PAM: variants seen among roughly 807,000 people sequenced by gnomAD.
The protein encoded by PAM is peptidyl-glycine alpha-amidating monooxygenase.
Under a neutral mutation model 122.1 loss-of-function variants are expected in PAM, and 72 were observed. That is an observed-to-expected ratio of 0.59 (90% CI 0.49 to 0.72). The LOEUF is 0.72. Among genes scored for constraint, PAM ranks in the 30% least tolerant of loss-of-function variants. The probability of loss-of-function intolerance (pLI) is 0.00; values close to 1 mark genes in which losing one functional copy is unlikely to be tolerated. For synonymous variants in PAM, 389 were observed against 404.4 expected (o/e 0.96, Z 0.46); for missense variants, 1,106 against 1,183.7 (o/e 0.93, Z 0.96).
intron 16 of PAM, among the ~76,000 whole-genome samples, chr5:103,002,019 C>G (rs1057487578): frequency 1.3e-5 from 2 of 151,920 alleles, no homozygotes; most frequent in African/African-American, 4.8e-5. Flanking sequence ...CACACACATA[C>G]ACACCCACAC....
chr5:102,977,658 G>GCACACAAACACACACA, intron 15 of PAM, among the ~76,000 whole-genome samples: 1 of 143,048 alleles, frequency 7.0e-6, no homozygotes, highest in East Asian at 2.1e-4. Flanking sequence ...ATGCATGTGC[G>GCACACAAACACACACA]CACACACACA....
intron 3 of PAM, among the ~76,000 whole-genome samples, chr5:102,894,993 CA>C (rs35700067): frequency 0.12 from 16,610 of 142,260 alleles, 1,448 homozygotes; most frequent in African/African-American, 0.24. Context: ...CATTTTCCTA[CA>C]AAAAAAAAAA....
intron 12 of PAM, among the ~76,000 whole-genome samples, chr5:102,951,519 T>C (rs1162608378): frequency 6.6e-6 from 1 of 152,108 alleles, no homozygotes; most frequent in East Asian, 1.9e-4. Context: ...ACTGATGCCA[T>C]CTGGAAGCTA....
At chr5:102,923,430 A>G (rs1474033045) in intron 5 of PAM, among the ~76,000 whole-genome samples, 5 of 152,188 alleles carry the variant, frequency 3.3e-5, no homozygotes, top group African/African-American at 1.2e-4. Context: ...CCTCCGTCCC[A>G]AGAAGCTGTA....
At chr5:102,940,839 A>G (rs1279171273) in intron 7 of PAM, among the ~76,000 whole-genome samples, 1 of 152,106 alleles carries the variant, frequency 6.6e-6, no homozygotes, top group South Asian at 2.1e-4. Context: ...TGCTGGTTAC[A>G]TGGGTGTTAG....
chr5:102,802,982 G>C (rs376579732), intron 1 of PAM, among the ~76,000 whole-genome samples: 1 of 152,052 alleles, frequency 6.6e-6, no homozygotes, highest in African/African-American at 2.4e-5. Flanking sequence ...AAATTGCCAG[G>C]TGTGGTGGTG....
chr5:102,836,696 C>A (rs1223338376), intron 1 of PAM, among the ~76,000 whole-genome samples: 1 of 152,004 alleles, frequency 6.6e-6, no homozygotes, highest in African/African-American at 2.4e-5. Flanking sequence ...TTAAATTATC[C>A]ATTCAACAGT....
At chr5:102,901,096 TAGAG>T (rs1187281788) in intron 3 of PAM, among the ~76,000 whole-genome samples, 4 of 151,644 alleles carry the variant, frequency 2.6e-5, no homozygotes, top group African/African-American at 2.4e-5. Context: ...CCTTTTAACT[TAGAG>T]AGTATTAGAA....
chr5:103,009,816 A>G lies in PAM; in HGVS notation c.2281A>G (p.Met761Val). Residue 761 changes from methionine (M) to valine (V), a missense_variant, in exon 21 of 26, where the codon ATG becomes GTG. Physicochemically the swap from Met to Val is conservative, Grantham distance 21. Around this residue, in one of 3 missense-constraint regions of PAM, gnomAD observed 333 missense variants for 335.6 expected, o/e 0.99. Transcript: ENST00000438793. ...GDQEPVQGFV[M>V]NFSNGEIIDI... ...CCAAGAACCTGTACAAGGATTTGTG[A>G]TGAACTTTTCCAATGGGGAAATTAT... 1 of 1,612,368 alleles carries G rather than the reference A, an allele frequency of 6.2e-7. No individual in the cohort carries two copies.
chr5:102,965,048 A>G (rs953719884), intron 14 of PAM, among the ~76,000 whole-genome samples: 1 of 151,828 alleles, frequency 6.6e-6, no homozygotes, highest in Non-Finnish European at 1.5e-5. Flanking sequence ...TATATATGTA[A>G]TAAGTACAAT....
intron 21 of PAM, among the ~76,000 whole-genome samples, chr5:103,014,202 T>C (rs1781392777): frequency 6.6e-6 from 1 of 152,226 alleles, no homozygotes; most frequent in South Asian, 2.1e-4. Context: ...TATTAACTTT[T>C]AATTTAAATA....
rs574941203 is a variant in PAM at position 102,778,352 on chromosome 5, G to A, written c.-374+23004G>A. On this transcript the variant is annotated intron_variant, in intron 1 of 25. Transcript: ENST00000438793. ...TGTCTTTACTTTAAAATTGCCCAGAGCATTCTATATAGTATTTTAGACAAG... is the reference window on the plus strand; with the variant it reads ...TGTCTTTACTTTAAAATTGCCCAGAACATTCTATATAGTATTTTAGACAAG... Among the ~76,000 whole-genome samples the A allele has an allele frequency of 5.3e-5, 8 of 152,156 alleles. No homozygotes were observed. The South Asian group carries it at 1.7e-3, about 32-fold the overall frequency.
rs940551851 is a variant in PAM, at chr5:103,019,776, T to G, written c.2432-14T>G. ...AGATTCTGACTTTTCTCTCTCCTTGTTGTGTTGTTACAGAATTGGAACATC... is the reference window on the plus strand; with the variant it reads ...AGATTCTGACTTTTCTCTCTCCTTGGTGTGTTGTTACAGAATTGGAACATC... On this transcript the variant is annotated splice_polypyrimidine_tract_variant and intron_variant, in intron 22 of 25. Transcript: ENST00000438793. 3.8e-6 allele frequency: 6 copies of G among 1,574,958 alleles called. No individual in the cohort carries two copies. The highest frequency in any genetic ancestry group is 5.2e-6 in the Non-Finnish European group (6 of 1,144,558).
At chr5:102,849,555 C>CAA (rs538988180) in intron 1 of PAM, among the ~76,000 whole-genome samples, 26 of 73,432 alleles carry the variant, frequency 3.5e-4, no homozygotes, top group African/African-American at 8.6e-4. Flanking sequence ...AAGACTGTCT[C>CAA]AAAAAAAAAA....
chr5:102,976,022 C>T (rs934766437), intron 15 of PAM, among the ~76,000 whole-genome samples: 1 of 152,116 alleles, frequency 6.6e-6, no homozygotes, highest in African/African-American at 2.4e-5. Context: ...CAAATATCCT[C>T]ATACTTTCCA....
intron 1 of PAM, among the ~76,000 whole-genome samples, chr5:102,806,599 A>G (rs1386900627): frequency 6.6e-6 from 1 of 152,128 alleles, no homozygotes; most frequent in African/African-American, 2.4e-5. Context: ...ACACACATAC[A>G]CACACACAGA....
At chr5:103,000,230 T>A (rs887031197) in intron 16 of PAM, among the ~76,000 whole-genome samples, 3 of 152,214 alleles carry the variant, frequency 2.0e-5, no homozygotes, top group African/African-American at 7.2e-5. Context: ...AGTTCAAAGT[T>A]CCACAGATCT....
At chr5:102,896,461 T>TA (rs1205147047) in intron 3 of PAM, among the ~76,000 whole-genome samples, 1 of 151,666 alleles carries the variant, frequency 6.6e-6, no homozygotes, top group Non-Finnish European at 1.5e-5. Context: ...AAGAAGTAGA[T>TA]AAGTGCAAAA....
rs1190143562 is a variant in PAM, at chr5:103,017,417, G to A, written c.2415G>A (p.Lys805=). The stretch of plus-strand genomic sequence containing the variant: ...ATGCTCATACCAACACCGTGTGGAA[G>A]TTCACCTTGACTGAGAGTATGGTTT... ...IGDAHTNTVW[K]FTLTEKLEHR... Residue 805 remains lysine, a synonymous_variant, in exon 22 of 26, where the codon AAG becomes AAA. Coordinates refer to ENST00000438793, the MANE Select transcript of PAM (RefSeq NM_001177306.2). The A allele has an allele frequency of 1.9e-6, 3 of 1,596,648 alleles. No individual in the cohort carries two copies. The Admixed American group carries it at 5.0e-5, about 27-fold the overall frequency.
Sources: allele counts gnomAD v4.1 joint callset (sites outside exome capture counted in the v4.1 genomes callset), GRCh38; gene constraint gnomAD v4.1.1; regional missense constraint gnomAD v4.1.1; transcripts MANE v1.5; gene names NCBI Gene and HGNC (gene_info 2026-07-23, HGNC 2026-07-21).